Variants in FRRS1L observed in about 807,000 individuals in gnomAD.
FRRS1L encodes the protein ferric chelate reductase 1 like.
FRRS1L carries 22 observed loss-of-function variants against 28.6 expected under a neutral mutation model. That is an observed-to-expected ratio of 0.77 (90% confidence interval 0.55 to 1.10). The LOEUF (loss-of-function observed/expected upper bound fraction) is 1.10. Ranked by LOEUF, FRRS1L falls within the 50% of genes least tolerant of loss-of-function variation. The pLI is 0.00. For synonymous variants in FRRS1L, 158 were observed against 151.4 expected, an observed-to-expected ratio of 1.04 and a Z score of -0.32; for missense variants, 380 against 386.9, an observed-to-expected ratio of 0.98 and a Z score of 0.15.
At chr9:109,138,431 ATT>A (rs1831140792) in intron 4 of FRRS1L, 2 of 152,212 alleles carry the variant, frequency 1.3e-5, no homozygotes, top group Non-Finnish European at 2.9e-5. Flanking sequence ...AGGCATATAC[ATT>A]CAGTGCAAAG....
intron 1 of FRRS1L, among the ~76,000 whole-genome samples, chr9:109,152,495 G>T (rs1018899131): frequency 1.3e-5 from 2 of 150,766 alleles, no homozygotes; most frequent in East Asian, 4.0e-4. Flanking sequence ...CATTGGGTAC[G>T]ATTGTCTCTT....
chr9:109,156,335 C>T (rs1203540301), intron 1 of FRRS1L, among the ~76,000 whole-genome samples: 1 of 152,110 alleles, frequency 6.6e-6, no homozygotes, highest in Non-Finnish European at 1.5e-5. Context: ...CATTTATTTC[C>T]ACCCAGATCT....
intron 3 of FRRS1L, among the ~76,000 whole-genome samples, chr9:109,142,734 G>A (rs1240003062): frequency 2.6e-5 from 4 of 152,018 alleles, no homozygotes; most frequent in Admixed American, 2.0e-4. Context: ...GATCGCTGGG[G>A]AGGTTGAGGC....
rs1831095826 is a variant in FRRS1L at position 109,134,947 on chromosome 9, AGGACTTGAACCAGG to A, written c.*2494_*2507del. On this transcript the variant is annotated 3_prime_UTR_variant, in exon 5 of 5. Transcript: ENST00000561981. ...CTTAGCCATGCCCAGAGTGGAGTCAAGGACTTGAACCAGGGGACTTGAGTTTGAATCCTACCCAG... is the reference window on the plus strand; with the variant it reads ...CTTAGCCATGCCCAGAGTGGAGTCAAGGACTTGAGTTTGAATCCTACCCAG... 1 of 152,240 alleles carries A rather than the reference AGGACTTGAACCAGG, an allele frequency of 6.6e-6. No homozygotes were observed. Among genetic ancestry groups the A allele is most frequent in the Non-Finnish European group, 1.5e-5 (1 of 68,052 alleles). The allele number at this position is 152,240 out of a possible 1,614,324, so 9.4% of individuals were successfully genotyped here. A position where few individuals can be genotyped will look rare whatever the true frequency, so the allele number is the denominator to read the frequency against.
At chr9:109,158,761 C>A (rs970205085) in intron 1 of FRRS1L, among the ~76,000 whole-genome samples, 32 of 152,318 alleles carry the variant, frequency 2.1e-4, no homozygotes, top group African/African-American at 7.5e-4. Flanking sequence ...TGGGTTGTTT[C>A]CACTTTTTGG....
intron 1 of FRRS1L, among the ~76,000 whole-genome samples, chr9:109,160,739 T>C (rs1159873084): frequency 6.6e-6 from 1 of 151,552 alleles, no homozygotes; most frequent in East Asian, 1.9e-4. Context: ...TCTGGTTCTC[T>C]GGCTTCTCTC....
At position 109,130,667 on chromosome 9, in the gene FRRS1L, T is replaced by C. The variant is rs1734056536; in HGVS notation, c.*6788A>G. On this transcript the variant is annotated 3_prime_UTR_variant, in exon 5 of 5. Coordinates refer to ENST00000561981, the MANE Select transcript of FRRS1L (RefSeq NM_014334.4). ...ATGTAAAGGCATAGTTTTTACAAAA[T>C]AGTATTTTGTAGACAGTCTCAAAAA... 1 of 152,184 alleles carries C rather than the reference T, an allele frequency of 6.6e-6. No homozygotes were observed. The highest frequency in any genetic ancestry group is 2.4e-5 in the African/African-American group (1 of 41,442). The allele number at this position is 152,184 out of a possible 1,614,324, so 9.4% of individuals were successfully genotyped here.
chr9:109,163,914 T>A (rs1233480896), intron 1 of FRRS1L, among the ~76,000 whole-genome samples: 1 of 152,134 alleles, frequency 6.6e-6, no homozygotes, highest in Non-Finnish European at 1.5e-5. Context: ...GTTCCACCCA[T>A]AACCTCTCAT....
chr9:109,158,097 G>A (rs1234243229), intron 1 of FRRS1L, among the ~76,000 whole-genome samples: 2 of 152,316 alleles, frequency 1.3e-5, no homozygotes, highest in South Asian at 4.1e-4. Flanking sequence ...GTTAGCATCA[G>A]CTGTCACTTG....
chr9:109,142,526 A>G (rs1163445945), intron 3 of FRRS1L, among the ~76,000 whole-genome samples: 1 of 152,202 alleles, frequency 6.6e-6, no homozygotes, highest in Non-Finnish European at 1.5e-5. Context: ...TAAAATGGTC[A>G]ATTCTGGCCA....
chr9:109,139,605 AT>A (rs1405051087), intron 4 of FRRS1L: 2 of 152,192 alleles, frequency 1.3e-5, no homozygotes, highest in African/African-American at 4.8e-5. Context: ...TCAAACTCAA[AT>A]TTTTAGACTT....
intron 2 of FRRS1L, 137 bp downstream of exon 2, chr9:109,149,499 C>G (rs539120923): frequency 8.3e-6 from 5 of 601,524 alleles, no homozygotes; most frequent in African/African-American, 1.9e-5. Flanking sequence ...ATGGCCGTTA[C>G]GAAACTTCAT....
In FRRS1L at chr9:109,141,597, G is replaced by A. The variant is rs1379706190; in HGVS notation, c.463-8C>T. On this transcript the variant is annotated splice_polypyrimidine_tract_variant and splice_region_variant and intron_variant, in intron 3 of 4. Transcript: ENST00000561981. ...CATGACATCATCACCACCCTAACAT[G>A]AGAAATGATTGAGAAAAAAAAAAGT... The A allele has an allele frequency of 6.3e-7, 1 of 1,592,018 alleles. No individual in the cohort carries two copies. Among genetic ancestry groups the A allele is most frequent in the Non-Finnish European group, 8.6e-7 (1 of 1,168,972 alleles).
In FRRS1L at chr9:109,137,553, T is replaced by C. The variant is rs201416713; in HGVS notation, c.784A>G (p.Ile262Val). Reference sequence around the variant, plus strand: ...TGATAGGCAGCTGATGGCATAAAAATGTCTTCATACTTGTAAATACTGACA... The same window carrying C: ...TGATAGGCAGCTGATGGCATAAAAACGTCTTCATACTTGTAAATACTGACA... ...RVVSIYKYED[I>V]FMPSAAYQTF... The change falls in exon 5 of 5, where the codon ATT becomes GTT. Residue 262 changes from isoleucine (I) to valine (V), a missense_variant. Transcript: ENST00000561981. 2 of 1,613,460 alleles carry C rather than the reference T, an allele frequency of 1.2e-6. No individual in the cohort carries two copies. Among genetic ancestry groups the C allele is most frequent in the Non-Finnish European group, 1.7e-6 (2 of 1,179,554 alleles).
rs1831570437 is a variant in FRRS1L, at chr9:109,167,237, C to CT, written c.-100_-99insA. ...CCTCCGCCGAGGCCACCAGCACGCG[C>CT]CCGCGCAGCCGCGGAGCCTCCCGCA... is the stretch of plus-strand genomic sequence containing the variant. On this transcript the variant is annotated 5_prime_UTR_variant, in exon 1 of 5. Transcript: ENST00000561981. The CT allele has an allele frequency of 7.2e-7, 1 of 1,385,514 alleles. No homozygotes were observed. The highest frequency in any genetic ancestry group is 1.5e-5 in the African/African-American group (1 of 66,834). 85.8% of individuals were successfully genotyped at this position (1,385,514 alleles called of 1,614,324 possible).
intron 1 of FRRS1L, among the ~76,000 whole-genome samples, chr9:109,164,409 T>TC (rs1247234875): frequency 6.6e-6 from 1 of 150,924 alleles, no homozygotes; most frequent in Non-Finnish European, 1.5e-5. Flanking sequence ...TTTTTTTTTT[T>TC]TTTTTGAGAC....
chr9:109,158,562 A>T (rs562705751), intron 1 of FRRS1L, among the ~76,000 whole-genome samples: 39 of 152,292 alleles, frequency 2.6e-4, no homozygotes, highest in African/African-American at 8.7e-4. Flanking sequence ...CTTATTCTGG[A>T]CATTTTATAT....
rs1831098564 is a variant in FRRS1L, at chr9:109,135,229, G to C, written c.*2226C>G. ...CTCAATCATAAAGCCCACGAAGTTG[G>C]AACCAGCTTTAAAGCAACAAGGGCA... On this transcript the variant is annotated 3_prime_UTR_variant, in exon 5 of 5. Coordinates refer to ENST00000561981, the MANE Select transcript of FRRS1L (RefSeq NM_014334.4). 1 of 152,268 alleles carries C rather than the reference G, an allele frequency of 6.6e-6. No homozygotes were observed. Among genetic ancestry groups the C allele is most frequent in the Non-Finnish European group, 1.5e-5 (1 of 68,032 alleles). 9.4% of individuals were successfully genotyped at this position (152,268 alleles called of 1,614,324 possible).
intron 3 of FRRS1L, among the ~76,000 whole-genome samples, chr9:109,141,904 A>G (rs1333371037): frequency 2.6e-5 from 4 of 152,050 alleles, no homozygotes; most frequent in African/African-American, 7.2e-5. Context: ...AAAATTAAAA[A>G]AATACCTAGC....
Sources: gnomAD v4.1 joint callset for allele counts (sites outside exome capture counted in the v4.1 genomes callset) on GRCh38, gnomAD v4.1.1 for gene constraint, MANE v1.5 for transcripts, NCBI Gene and HGNC (gene_info 2026-07-23, HGNC 2026-07-21) for gene names.